PPP2R5E: variants seen among roughly 807,000 people sequenced by gnomAD.
PPP2R5E encodes the protein serine/threonine-protein phosphatase 2A 56 kDa regulatory subunit epsilon isoform.
In PPP2R5E, 4 loss-of-function variants were observed where a neutral mutation model predicts 65.3. The observed-to-expected ratio is 0.06, with a 90% CI of 0.03 to 0.14. The LOEUF (loss-of-function observed/expected upper bound fraction) is 0.14. PPP2R5E is among the 10% of genes least tolerant of loss of function. The probability of loss-of-function intolerance (pLI) is 1.00; values close to 1 mark genes in which losing one functional copy is unlikely to be tolerated. For missense variants in PPP2R5E, 274 were observed against 556.1 expected (o/e 0.49, Z 5.10); for synonymous variants, 183 against 187.4 (o/e 0.98, Z 0.19).
chr14:63,520,480 A>C (rs1374114428), intron 2 of PPP2R5E, among the ~76,000 whole-genome samples: 1 of 152,198 alleles, frequency 6.6e-6, no homozygotes, highest in Non-Finnish European at 1.5e-5. Flanking sequence ...CAGGTGATTA[A>C]TATCTATCTC....
intron 2 of PPP2R5E, among the ~76,000 whole-genome samples, chr14:63,472,643 G>A (rs1009886399): frequency 6.6e-6 from 1 of 152,204 alleles, no homozygotes; most frequent in Non-Finnish European, 1.5e-5. Context: ...AAGGAAGCAT[G>A]AATAGAACAA....
chr14:63,394,388 A>T (rs1353266254), intron 7 of PPP2R5E, among the ~76,000 whole-genome samples: 2 of 151,934 alleles, frequency 1.3e-5, no homozygotes, highest in African/African-American at 4.8e-5. Flanking sequence ...CCCAGCCAGG[A>T]TTTCTTAATG....
intron 3 of PPP2R5E, 34 bp from the exon 4 acceptor site, chr14:63,422,128 G>A (rs1477237161): frequency 6.5e-7 from 1 of 1,535,570 alleles, no homozygotes; most frequent in African/African-American, 1.4e-5. Flanking sequence ...TTAACGGGAA[G>A]CACCTTCTGC....
At chr14:63,469,354 G>C (rs1889997679) in intron 2 of PPP2R5E, among the ~76,000 whole-genome samples, 1 of 152,216 alleles carries the variant, frequency 6.6e-6, no homozygotes, top group African/African-American at 2.4e-5. Flanking sequence ...AAAAAGTACA[G>C]TCCAGGGGGA....
At chr14:63,514,937 C>T (rs529412218) in intron 2 of PPP2R5E, among the ~76,000 whole-genome samples, 1 of 152,338 alleles carries the variant, frequency 6.6e-6, no homozygotes, top group African/African-American at 2.4e-5. Flanking sequence ...ACTCAGCTCA[C>T]AAGGAAAATT....
chr14:63,404,051 A>C (rs531232619), intron 5 of PPP2R5E, among the ~76,000 whole-genome samples: 144 of 152,354 alleles, frequency 9.5e-4, no homozygotes, highest in African/African-American at 3.3e-3. Flanking sequence ...ATACAGAAAC[A>C]ACTGGAAGAC....
chr14:63,454,702 T>G (rs1027870671), intron 2 of PPP2R5E, among the ~76,000 whole-genome samples: 1 of 152,314 alleles, frequency 6.6e-6, no homozygotes, highest in South Asian at 2.1e-4. Flanking sequence ...TGATCTACAG[T>G]TGGACTTCAA....
chr14:63,396,440 G>T, intron 6 of PPP2R5E, 146 bp downstream of exon 6: 1 of 1,038,180 alleles, frequency 9.6e-7, no homozygotes, highest in Non-Finnish European at 1.4e-6. Context: ...TAGAGGAAGA[G>T]GCAGGAGAGT....
At chr14:63,506,871 T>C (rs1020133515) in intron 2 of PPP2R5E, among the ~76,000 whole-genome samples, 3 of 152,180 alleles carry the variant, frequency 2.0e-5, no homozygotes, top group African/African-American at 2.4e-5. Context: ...TTATCCATAA[T>C]AGCCAAAAAG....
At chr14:63,417,433 G>A (rs1238782432) in intron 4 of PPP2R5E, among the ~76,000 whole-genome samples, 1 of 146,288 alleles carries the variant, frequency 6.8e-6, no homozygotes, top group Non-Finnish European at 1.5e-5. Flanking sequence ...ACCCAAGCCT[G>A]AATAATCATA....
Position 63,384,523 on chromosome 14 carries a change from A to T in PPP2R5E, c.1123T>A (p.Leu375Met). 1 of 1,613,850 alleles carries T rather than the reference A, an allele frequency of 6.2e-7. No individual in the cohort carries two copies. The highest frequency in any genetic ancestry group is 8.5e-7 in the Non-Finnish European group (1 of 1,179,782). Reference sequence around the variant, plus strand: ...ATGACGTTAGAGTTTTCTTCTATCAAACTCATGATGTATTCATTATTCCAA... The same window carrying T: ...ATGACGTTAGAGTTTTCTTCTATCATACTCATGATGTATTCATTATTCCAA... ...YYWNNEYIMS[L>M]IEENSNVILP... The change falls in exon 12 of 14, where the codon TTG becomes ATG. Residue 375 changes from leucine (L) to methionine (M), a missense_variant. Around this residue, in one of 6 missense-constraint regions of PPP2R5E, gnomAD observed 129 missense variants for 254.9 expected, o/e 0.51. Transcript: ENST00000337537.
chr14:63,514,418 C>T (rs1218284252), intron 2 of PPP2R5E, among the ~76,000 whole-genome samples: 1 of 151,934 alleles, frequency 6.6e-6, no homozygotes, highest in Non-Finnish European at 1.5e-5. Flanking sequence ...ACCTTTCCTG[C>T]TAACCAGAGC....
intron 2 of PPP2R5E, among the ~76,000 whole-genome samples, chr14:63,532,195 T>A (rs994224643): frequency 2.0e-5 from 3 of 152,148 alleles, no homozygotes; most frequent in African/African-American, 7.2e-5. Context: ...ATACCTACTA[T>A]ACAAGAGTAT....
rs570464074 is a variant in PPP2R5E at position 63,416,962 on chromosome 14, G to C, written c.457-1730C>G. On this transcript the variant is annotated intron_variant, in intron 4 of 13. Transcript: ENST00000337537. ...TTTCTTTTTCTCCCACATAATTGTA[G>C]ATATTCTTCTTTGATGCTACACTAA... is the stretch of plus-strand genomic sequence containing the variant. Among the ~76,000 whole-genome samples, 4 of 152,272 alleles carry C rather than the reference G, an allele frequency of 2.6e-5. No individual in the cohort carries two copies. The East Asian group carries it at 7.7e-4, about 29-fold the overall frequency.
In PPP2R5E at chr14:63,382,036, A is replaced by G. The variant is rs550631780; in HGVS notation, c.1304+20T>C. 6.3e-7 allele frequency: 1 copy of G among 1,591,008 alleles called. No homozygotes were observed. Among genetic ancestry groups the G allele is most frequent in the African/African-American group, 1.3e-5 (1 of 74,508 alleles). Reference sequence around the variant, plus strand: ...TCAATAGCTTTATGCACAGCTGACAAAAAAGCTTTAAAAAGTTACCGCTGA... The same window carrying G: ...TCAATAGCTTTATGCACAGCTGACAGAAAAGCTTTAAAAAGTTACCGCTGA... On this transcript the variant is annotated intron_variant, in intron 13 of 13. Transcript: ENST00000337537.
At chr14:63,530,925 T>C (rs994259438) in intron 2 of PPP2R5E, among the ~76,000 whole-genome samples, 1 of 152,176 alleles carries the variant, frequency 6.6e-6, no homozygotes, top group African/African-American at 2.4e-5. Flanking sequence ...CCAATTTCTT[T>C]TGGCCCACAT....
chr14:63,413,905 C>T (rs1284344992), intron 5 of PPP2R5E, among the ~76,000 whole-genome samples: 1 of 152,182 alleles, frequency 6.6e-6, no homozygotes, highest in Admixed American at 6.5e-5. Flanking sequence ...TGAAGTATTG[C>T]TCAAGGATCC....
chr14:63,436,995 A>G (rs1000271844), intron 3 of PPP2R5E, among the ~76,000 whole-genome samples: 1 of 152,246 alleles, frequency 6.6e-6, no homozygotes, highest in African/African-American at 2.4e-5. Flanking sequence ...GATACAGGTC[A>G]TAAAGACCTT....
rs1883810996 is a variant in PPP2R5E at position 63,373,559 on chromosome 14, TA to T, written c.*2449del. The T allele has an allele frequency of 6.6e-6, 1 of 152,260 alleles. No homozygotes were observed. Among genetic ancestry groups the T allele is most frequent in the Non-Finnish European group, 1.5e-5 (1 of 68,048 alleles). 9.4% of individuals were successfully genotyped at this position (152,260 alleles called of 1,614,324 possible). On this transcript the variant is annotated 3_prime_UTR_variant, in exon 14 of 14. Coordinates refer to ENST00000337537, the MANE Select transcript of PPP2R5E (RefSeq NM_006246.5). ...AGTTGCCCTACGAATTTTAGACATA[TA>T]GCTTTAATTGATTCTATAAATATGT... is the stretch of plus-strand genomic sequence containing the variant.
Sources: allele counts gnomAD v4.1 joint callset (sites outside exome capture counted in the v4.1 genomes callset), GRCh38; gene constraint gnomAD v4.1.1; regional missense constraint gnomAD v4.1.1; transcripts MANE v1.5; gene names NCBI Gene and HGNC (gene_info 2026-07-23, HGNC 2026-07-21).